SLX4IP: variants seen among roughly 807,000 people sequenced by gnomAD.
The protein encoded by SLX4IP is protein SLX4IP.
Under a neutral mutation model 32.9 loss-of-function variants are expected in SLX4IP, and 34 were observed. The observed-to-expected ratio is 1.03, with a 90% CI of 0.79 to 1.38. The LOEUF (loss-of-function observed/expected upper bound fraction) is 1.38. Ranked by LOEUF, SLX4IP falls within the 40% of genes most tolerant of loss-of-function variation. SLX4IP has a pLI of 0.00. For synonymous variants in SLX4IP, 172 were observed against 171.7 expected, an observed-to-expected ratio of 1.00 and a Z score of -0.01; for missense variants, 444 against 479.0, an observed-to-expected ratio of 0.93 and a Z score of 0.68.
chr20:10,601,038 T>C (rs925135272), intron 5 of SLX4IP, among the ~76,000 whole-genome samples: 4 of 152,214 alleles, frequency 2.6e-5, no homozygotes, highest in African/African-American at 4.8e-5. Flanking sequence ...CTTCCTTTCA[T>C]TGAATGCCGA....
At chr20:10,522,647 G>A (rs1242859533) in intron 2 of SLX4IP, among the ~76,000 whole-genome samples, 1 of 152,128 alleles carries the variant, frequency 6.6e-6, no homozygotes, top group Non-Finnish European at 1.5e-5. Flanking sequence ...ATGCCCTTCC[G>A]TCACTCAGTC....
chr20:10,497,904 T>C lies in SLX4IP; in HGVS notation c.27+39673T>C, dbSNP rs1187953488. 4.6e-5 allele frequency among the ~76,000 whole-genome samples: 7 copies of C among 152,060 alleles called. No homozygotes were observed. In the East Asian group the frequency reaches 1.4e-3, roughly 29 times the overall value. On this transcript the variant is annotated intron_variant, in intron 2 of 7. Coordinates refer to ENST00000334534, the MANE Select transcript of SLX4IP (RefSeq NM_001009608.3). ...CAATCCTTCCACCAATCTTGCTTTTTCTAAAAAATGGCCTCTTCTCACTGA... is the reference window on the plus strand; with the variant it reads ...CAATCCTTCCACCAATCTTGCTTTTCCTAAAAAATGGCCTCTTCTCACTGA...
intron 2 of SLX4IP, among the ~76,000 whole-genome samples, chr20:10,474,851 C>T (rs995170621): frequency 1.3e-5 from 2 of 152,226 alleles, no homozygotes; most frequent in African/African-American, 4.8e-5. Flanking sequence ...TAGCTTACCT[C>T]GGCCTCCCTC....
intron 1 of SLX4IP, among the ~76,000 whole-genome samples, chr20:10,456,232 C>T (rs1312000183): frequency 6.6e-6 from 1 of 152,138 alleles, no homozygotes; most frequent in Non-Finnish European, 1.5e-5. Context: ...TGAAAAAATC[C>T]TACATCTGAA....
intron 2 of SLX4IP, among the ~76,000 whole-genome samples, chr20:10,543,159 C>T (rs2066126343): frequency 6.6e-6 from 1 of 152,192 alleles, no homozygotes; most frequent in South Asian, 2.1e-4. Flanking sequence ...CTACCATGTG[C>T]CAGGCCCTTT....
At chr20:10,535,627 C>G (rs772493856) in intron 2 of SLX4IP, among the ~76,000 whole-genome samples, 3 of 152,076 alleles carry the variant, frequency 2.0e-5, no homozygotes, top group Non-Finnish European at 4.4e-5. Context: ...GGCCCAAGAA[C>G]ATGTAGTTTT....
At chr20:10,503,752 G>T (rs1373262501) in intron 2 of SLX4IP, among the ~76,000 whole-genome samples, 1 of 152,160 alleles carries the variant, frequency 6.6e-6, no homozygotes, top group Non-Finnish European at 1.5e-5. Context: ...GGCTCTAGGG[G>T]AGATCCTTCC....
At chr20:10,460,043 T>G (rs924264783) in intron 2 of SLX4IP, among the ~76,000 whole-genome samples, 2 of 152,236 alleles carry the variant, frequency 1.3e-5, no homozygotes, top group Non-Finnish European at 2.9e-5. Context: ...TTTATAAATT[T>G]CATTGCTTTC....
intron 1 of SLX4IP, among the ~76,000 whole-genome samples, chr20:10,453,307 C>CGTGTGTGTGTAT (rs71311136): frequency 0.39 from 55,721 of 142,798 alleles, 11,879 homozygotes; most frequent in Non-Finnish European, 0.5. Context: ...AAAACTCATC[C>CGTGTGTGTGTAT]GTGTGTGTGT....
intron 2 of SLX4IP, among the ~76,000 whole-genome samples, chr20:10,514,165 A>C (rs868714421): frequency 6.6e-6 from 1 of 152,168 alleles, no homozygotes; most frequent in Non-Finnish European, 1.5e-5. Flanking sequence ...TTTGGTTACA[A>C]AACTCTACCG....
chr20:10,464,873 A>G (rs980192435), intron 2 of SLX4IP, among the ~76,000 whole-genome samples: 12 of 151,958 alleles, frequency 7.9e-5, no homozygotes, highest in Non-Finnish European at 4.4e-5. Flanking sequence ...CAGGCTGAAC[A>G]TGAACTCCTG....
chr20:10,615,825 G>A lies in SLX4IP; in HGVS notation c.406-5489G>A, dbSNP rs995584176. 3.9e-5 allele frequency among the ~76,000 whole-genome samples: 6 copies of A among 152,108 alleles called. No individual in the cohort carries two copies. The East Asian group carries it at 5.8e-4, about 15-fold the overall frequency. On this transcript the variant is annotated intron_variant, in intron 6 of 7. Transcript: ENST00000334534. Reference sequence around the variant, plus strand: ...ATGATGTCTCATTGCTGTATGCTCCGGAAAGGAGGAACAGTGTCCCCACAA... The same window carrying A: ...ATGATGTCTCATTGCTGTATGCTCCAGAAAGGAGGAACAGTGTCCCCACAA...
intron 1 of SLX4IP, among the ~76,000 whole-genome samples, chr20:10,439,289 G>C (rs2065141934): frequency 6.6e-6 from 1 of 152,042 alleles, no homozygotes; most frequent in East Asian, 1.9e-4. Context: ...GCTCGCTGCA[G>C]CCTCCACCTC....
At chr20:10,460,402 G>C (rs1040247934) in intron 2 of SLX4IP, among the ~76,000 whole-genome samples, 7 of 152,100 alleles carry the variant, frequency 4.6e-5, no homozygotes, top group African/African-American at 1.7e-4. Context: ...TTTTGATGTT[G>C]GTTGGGGCTG....
chr20:10,585,791 A>G (rs1168837393), intron 4 of SLX4IP, among the ~76,000 whole-genome samples: 7 of 151,982 alleles, frequency 4.6e-5, no homozygotes, highest in African/African-American at 1.2e-4. Context: ...GGGTTTCACC[A>G]TATTGGTCAG....
At chr20:10,569,176 T>C (rs966861549) in intron 4 of SLX4IP, among the ~76,000 whole-genome samples, 7 of 77,358 alleles carry the variant, frequency 9.0e-5, no homozygotes, top group African/African-American at 2.9e-4. Context: ...CAGATCTAGA[T>C]TTTTTTTTTT....
chr20:10,492,652 T>C (rs546488567), intron 2 of SLX4IP, among the ~76,000 whole-genome samples: 1 of 152,346 alleles, frequency 6.6e-6, no homozygotes, highest in African/African-American at 2.4e-5. Context: ...TAAATTCTAA[T>C]ATGGACTGAT....
chr20:10,443,117 G>A (rs1034325694), intron 1 of SLX4IP, among the ~76,000 whole-genome samples: 1 of 152,066 alleles, frequency 6.6e-6, no homozygotes, highest in Non-Finnish European at 1.5e-5. Flanking sequence ...TATTTATTTG[G>A]TGAAATAGGT....
intron 2 of SLX4IP, among the ~76,000 whole-genome samples, chr20:10,480,904 A>G (rs1480349764): frequency 6.6e-6 from 1 of 152,156 alleles, no homozygotes; most frequent in Non-Finnish European, 1.5e-5. Flanking sequence ...TTGTAACAAC[A>G]TTTTCACCAC....
Sources: allele counts gnomAD v4.1 joint callset (sites outside exome capture counted in the v4.1 genomes callset), GRCh38; gene constraint gnomAD v4.1.1; transcripts MANE v1.5; gene names NCBI Gene and HGNC (gene_info 2026-07-23, HGNC 2026-07-21).